Variants in ST18 observed in about 807,000 individuals in gnomAD.
The protein encoded by ST18 is suppression of tumorigenicity 18 protein.
A neutral mutation model predicts 110.0 loss-of-function variants in ST18; 50 were observed. That is an observed-to-expected ratio of 0.45 (90% CI 0.36 to 0.58). The LOEUF is 0.58. ST18 is among the 20% of genes least tolerant of loss of function. The probability of loss-of-function intolerance (pLI) is 0.00; values close to 1 mark genes in which losing one functional copy is unlikely to be tolerated. For synonymous variants in ST18, 461 were observed against 452.4 expected, an observed-to-expected ratio of 1.02 and a Z score of -0.24; for missense variants, 1,306 against 1,280.1, an observed-to-expected ratio of 1.02 and a Z score of -0.31.
chr8:52,194,429 G>C (rs1004139003), intron 8 of ST18: 2 of 152,182 alleles, frequency 1.3e-5, no homozygotes, highest in Non-Finnish European at 2.9e-5. Context: ...ACCTACAAGA[G>C]AACAGAAACT....
chr8:52,303,637 T>A (rs1219906602), intron 2 of ST18, among the ~76,000 whole-genome samples: 1 of 152,194 alleles, frequency 6.6e-6, no homozygotes, highest in Admixed American at 6.5e-5. Context: ...GGAGGTAACA[T>A]CACTTCTGTG....
rs181294340 is a variant in ST18 at position 52,263,999 on chromosome 8, A to C, written c.-464-33922T>G. Among the ~76,000 whole-genome samples the C allele has an allele frequency of 1.3e-4, 19 of 151,958 alleles. No individual in the cohort carries two copies. In the East Asian group the frequency reaches 3.7e-3, roughly 29 times the overall value. ...TTTTTAGTAGAGACGGGTTTTCACC[A>C]TGTTAGCTAGGCTGGTTGTGAATTC... On this transcript the variant is annotated intron_variant, in intron 2 of 25. Transcript: ENST00000689386.
At chr8:52,225,840 A>G (rs1439006666) in intron 3 of ST18, among the ~76,000 whole-genome samples, 1 of 152,226 alleles carries the variant, frequency 6.6e-6, no homozygotes, top group Non-Finnish European at 1.5e-5. Context: ...AACATAAGCT[A>G]TTCTCCCAGT....
Position 52,251,086 on chromosome 8 carries a change from T to A in ST18, c.-464-21009A>T, listed in dbSNP as rs575635174. ...GGCAGAGAAGTTGGGAGAAGACTAC[T>A]TCCTGGACAACTTTTTAATATTTTG... On this transcript the variant is annotated intron_variant, in intron 2 of 25. Coordinates refer to ENST00000689386, the MANE Select transcript of ST18 (RefSeq NM_001352837.2). 1.6e-4 allele frequency among the ~76,000 whole-genome samples: 24 copies of A among 152,176 alleles called. 1 individual carries two copies. The highest frequency in any genetic ancestry group is 5.9e-5 in the Non-Finnish European group (4 of 68,016).
chr8:52,151,659 A>G (rs1266629450), intron 15 of ST18, among the ~76,000 whole-genome samples: 1 of 152,248 alleles, frequency 6.6e-6, no homozygotes, highest in Non-Finnish European at 1.5e-5. Context: ...GAGCGCATCA[A>G]AACAATTTTT....
In ST18 at chr8:52,256,466, G is replaced by A. The variant is rs145521052; in HGVS notation, c.-464-26389C>T. Reference sequence around the variant, plus strand: ...CAGCCTCGACTTCCTGGACTCAAGCGATCCTCCTGCCTCAGTCTCCCAAAG... The same window carrying A: ...CAGCCTCGACTTCCTGGACTCAAGCAATCCTCCTGCCTCAGTCTCCCAAAG... On this transcript the variant is annotated intron_variant, in intron 2 of 25. Transcript: ENST00000689386. 1.8e-4 allele frequency among the ~76,000 whole-genome samples: 28 copies of A among 152,202 alleles called. No individual in the cohort carries two copies. In the East Asian group the frequency reaches 4.5e-3, roughly 24 times the overall value.
intron 2 of ST18, among the ~76,000 whole-genome samples, chr8:52,351,357 C>T (rs1435841628): frequency 6.6e-6 from 1 of 152,178 alleles, no homozygotes; most frequent in Non-Finnish European, 1.5e-5. Context: ...ACTTGCCTTT[C>T]AGGTCTTGTT....
At chr8:52,130,982 G>A (rs2131490231) in intron 22 of ST18, among the ~76,000 whole-genome samples, 2 of 152,252 alleles carry the variant, frequency 1.3e-5, no homozygotes, top group East Asian at 1.9e-4. Flanking sequence ...GTGCTATTGT[G>A]GACATAAGTC....
chr8:52,158,673 A>C (rs941567115), intron 15 of ST18, among the ~76,000 whole-genome samples: 3 of 152,078 alleles, frequency 2.0e-5, no homozygotes, highest in Admixed American at 2.0e-4. Context: ...TGGTACCCCA[A>C]CTTCAAGAGG....
At chr8:52,151,127 T>A (rs2058707494) in intron 15 of ST18, among the ~76,000 whole-genome samples, 1 of 152,178 alleles carries the variant, frequency 6.6e-6, no homozygotes, top group Non-Finnish European at 1.5e-5. Flanking sequence ...TTTAGCAAGA[T>A]CCTTAACTCT....
intron 2 of ST18, among the ~76,000 whole-genome samples, chr8:52,275,172 C>T (rs1455198881): frequency 6.6e-6 from 1 of 151,912 alleles, no homozygotes; most frequent in Non-Finnish European, 1.5e-5. Flanking sequence ...AAAGAGCTTC[C>T]ATATTTTTTT....
At chr8:52,162,678 T>C (rs73679143) in intron 13 of ST18, among the ~76,000 whole-genome samples, 63 of 152,338 alleles carry the variant, frequency 4.1e-4, no homozygotes, top group African/African-American at 1.3e-3. Flanking sequence ...GAATGGTTGT[T>C]ATTTGGATTA....
chr8:52,240,045 C>T (rs564034362), intron 2 of ST18, among the ~76,000 whole-genome samples: 17 of 152,136 alleles, frequency 1.1e-4, no homozygotes, highest in Non-Finnish European at 2.1e-4. Context: ...CCACCCACCT[C>T]GGCCTCCCAA....
At chr8:52,259,230 T>C (rs2094609574) in intron 2 of ST18, among the ~76,000 whole-genome samples, 1 of 152,206 alleles carries the variant, frequency 6.6e-6, no homozygotes, top group African/African-American at 2.4e-5. Context: ...AGCTCAGTGA[T>C]GCTGGAGAGG....
intron 2 of ST18, among the ~76,000 whole-genome samples, chr8:52,272,672 G>C (rs983584127): frequency 1.3e-5 from 2 of 152,112 alleles, no homozygotes; most frequent in African/African-American, 4.8e-5. Context: ...TGGTTCCTCA[G>C]GAAAATTAAG....
At chr8:52,232,693 T>C (rs930895139) in intron 2 of ST18, among the ~76,000 whole-genome samples, 1 of 152,136 alleles carries the variant, frequency 6.6e-6, no homozygotes, top group Non-Finnish European at 1.5e-5. Context: ...ATCTCTGTGA[T>C]AAAGCTTTTA....
At chr8:52,357,680 T>TATAC (rs1823481909) in intron 2 of ST18, among the ~76,000 whole-genome samples, 2 of 14,928 alleles carry the variant, frequency 1.3e-4, no homozygotes, top group Admixed American at 4.4e-4. Flanking sequence ...TCTATAAATA[T>TATAC]ATATATATAT....
At position 52,165,186 on chromosome 8, in the gene ST18, G is replaced by A. The variant is rs760075725; in HGVS notation, c.1244C>T (p.Pro415Leu). The A allele has an allele frequency of 3.1e-5, 50 of 1,614,026 alleles. No homozygotes were observed. Among genetic ancestry groups the A allele is most frequent in the African/African-American group, 9.3e-5 (7 of 74,918 alleles). Residue 415 changes from proline to leucine, a missense_variant, in exon 12 of 26, where the codon CCG (proline) becomes CTG (leucine). By Grantham distance (98) the Pro-to-Leu change is moderately conservative. Coordinates refer to ENST00000689386, the MANE Select transcript of ST18 (RefSeq NM_001352837.2). ...CACATGACCCCTTCCTGTGCATCCC[G>A]GCGTGGGACACTTGAGCACATTTTC... is the stretch of plus-strand genomic sequence containing the variant. Reference protein sequence around the residue: ...MHENVLKCPTPGCTGRGHVNS... With the variant: ...MHENVLKCPTLGCTGRGHVNS...
chr8:52,240,305 AAACT>A lies in ST18; in HGVS notation c.-464-10232_-464-10229del, dbSNP rs1429938910. 2.0e-5 allele frequency among the ~76,000 whole-genome samples: 3 copies of A among 152,192 alleles called. No homozygotes were observed. In the East Asian group the frequency reaches 5.8e-4, roughly 29 times the overall value. On this transcript the variant is annotated intron_variant, in intron 2 of 25. Transcript: ENST00000689386. ...ACCATGTAAATATAATAATTAATAA[AAACT>A]AACATGTTAAAGGAACTTGCAGTTT... is the stretch of plus-strand genomic sequence containing the variant.
Sources: gnomAD v4.1 joint callset for allele counts (sites outside exome capture counted in the v4.1 genomes callset) on GRCh38, gnomAD v4.1.1 for gene constraint, MANE v1.5 for transcripts, NCBI Gene and HGNC (gene_info 2026-07-23, HGNC 2026-07-21) for gene names.